Variants in LRP5 observed in about 807,000 individuals in gnomAD.
LRP5 encodes the protein LDL receptor related protein 5, also known as low-density lipoprotein receptor-related protein 5.
LRP5 carries 62 observed loss-of-function variants against 154.1 expected under a neutral mutation model. That is an observed-to-expected ratio of 0.40 (90% confidence interval 0.33 to 0.50). LRP5 has a LOEUF of 0.50. LRP5 is among the 20% of genes least tolerant of loss of function. The pLI is 0.55. For synonymous variants in LRP5, 966 were observed against 1,011.5 expected (o/e 0.96, Z 0.85); for missense variants, 1,915 against 2,336.7 (o/e 0.82, Z 3.72).
chr11:68,359,056 C>T (rs61101778), intron 3 of LRP5, among the ~76,000 whole-genome samples: 7,258 of 152,292 alleles, frequency 0.048, 581 homozygotes, highest in African/African-American at 0.16. Flanking sequence ...TGCCAGGCCT[C>T]GTGTGTTAGT....
At chr11:68,319,842 A>G (rs1565313813) in intron 1 of LRP5, among the ~76,000 whole-genome samples, 1 of 152,126 alleles carries the variant, frequency 6.6e-6, no homozygotes, top group Non-Finnish European at 1.5e-5. Flanking sequence ...TCCTAGTCAA[A>G]GAGTGTGTCC....
At chr11:68,323,248 A>G (rs1180556469) in intron 1 of LRP5, among the ~76,000 whole-genome samples, 1 of 152,090 alleles carries the variant, frequency 6.6e-6, no homozygotes, top group African/African-American at 2.4e-5. Context: ...AGCTGGGATT[A>G]CAGGCACCCG....
the LRP5 span, among the ~76,000 whole-genome samples, chr11:68,302,983 G>C: frequency 1.3e-5 from 2 of 152,202 alleles, no homozygotes; most frequent in Non-Finnish European, 2.9e-5. Flanking sequence ...GGCCTCCTGG[G>C]ATGGCCTTTC....
At chr11:68,385,178 G>A (rs1242150357) in intron 5 of LRP5, among the ~76,000 whole-genome samples, 1 of 152,218 alleles carries the variant, frequency 6.6e-6, no homozygotes, top group Non-Finnish European at 1.5e-5. Flanking sequence ...CCTGTCCCCA[G>A]CTGTGTCCAG....
chr11:68,337,343 C>G (rs909193810), intron 1 of LRP5, among the ~76,000 whole-genome samples: 2 of 152,052 alleles, frequency 1.3e-5, no homozygotes, highest in Non-Finnish European at 2.9e-5. Context: ...AGGGTAGTAG[C>G]GTGAATAACT....
intron 4 of LRP5, among the ~76,000 whole-genome samples, chr11:68,364,555 C>A (rs750508467): frequency 6.6e-6 from 1 of 152,052 alleles, no homozygotes; most frequent in Non-Finnish European, 1.5e-5. Context: ...GAATAATCTG[C>A]CCAGAATCAG....
In LRP5 at chr11:68,348,224, G is replaced by A. The variant is rs762734738; in HGVS notation, c.469G>A (p.Ala157Thr). ...GGACCTTGACCAGCCGAGGGCCATC[G>A]CCTTGGACCCCGCTCACGGGTAAAC... ...WQDLDQPRAI[A>T]LDPAHGYMYW... The change falls in exon 2 of 23, where the codon GCC becomes ACC. Residue 157 changes from alanine (A) to threonine (T), a missense_variant. By Grantham distance (58) the Ala-to-Thr change is moderately conservative. Around this residue, in one of 3 missense-constraint regions of LRP5, gnomAD observed 773 missense variants for 1,100.9 expected, o/e 0.70. Transcript: ENST00000294304. 2 of 1,607,590 alleles carry A rather than the reference G, an allele frequency of 1.2e-6. No individual in the cohort carries two copies. The highest frequency in any genetic ancestry group is 1.3e-5 in the African/African-American group (1 of 74,944).
chr11:68,354,121 A>G (rs2098621071), intron 2 of LRP5, among the ~76,000 whole-genome samples: 1 of 152,198 alleles, frequency 6.6e-6, no homozygotes, highest in Admixed American at 6.5e-5. Flanking sequence ...CCCTCTTTAA[A>G]ATGCAAAATG....
chr11:68,338,434 CTTGGGTT>C (rs1475658581), intron 1 of LRP5, among the ~76,000 whole-genome samples: 1 of 152,150 alleles, frequency 6.6e-6, no homozygotes, highest in Non-Finnish European at 1.5e-5. Flanking sequence ...ATTGTTGGCA[CTTGGGTT>C]TTCAAACTCC....
rs3138551 is a variant in LRP5, at chr11:68,434,350, T to TTTCA, written c.4000+556_4000+559dup. ...TCTTCTGTGCCCCCTGTGAGTTTTC[T>TTTCA]TTCATTCATTCATTCATTCATTCAT... On this transcript the variant is annotated intron_variant, in intron 18 of 22. Coordinates refer to ENST00000294304, the MANE Select transcript of LRP5 (RefSeq NM_002335.4). Among the ~76,000 whole-genome samples the TTTCA allele has an allele frequency of 2.6e-3, 370 of 143,462 alleles. 2 individuals are homozygous for TTTCA. Among genetic ancestry groups the TTTCA allele is most frequent in the South Asian group, 7.6e-3 (34 of 4,482 alleles). The allele number at this position is 143,462 out of a possible 152,430, so 94.1% of individuals were successfully genotyped here. A position where few individuals can be genotyped will look rare whatever the true frequency, so the allele number is the denominator to read the frequency against.
chr11:68,380,443 C>T (rs944796779), intron 5 of LRP5, among the ~76,000 whole-genome samples: 1 of 152,206 alleles, frequency 6.6e-6, no homozygotes, highest in Non-Finnish European at 1.5e-5. Context: ...AATATTTGCT[C>T]TCTGGCCCTT....
At chr11:68,330,500 C>G (rs190759408) in intron 1 of LRP5, among the ~76,000 whole-genome samples, 23 of 152,290 alleles carry the variant, frequency 1.5e-4, no homozygotes, top group African/African-American at 5.3e-4. Flanking sequence ...GGAATCTCTG[C>G]CCGACCCAGA....
intron 10 of LRP5, among the ~76,000 whole-genome samples, 158 bp from the exon 11 acceptor site, chr11:68,411,278 G>T (rs2098659290): frequency 6.6e-6 from 1 of 152,254 alleles, no homozygotes; most frequent in Non-Finnish European, 1.5e-5. Flanking sequence ...TGTGGCAGGG[G>T]TCGAGGGTCT....
chr11:68,440,789 G>A (rs55938123), intron 21 of LRP5, among the ~76,000 whole-genome samples: 272 of 151,528 alleles, frequency 1.8e-3, no homozygotes, highest in African/African-American at 3.1e-3. Flanking sequence ...TTTTTGAGAC[G>A]GAGTTTCACT....
At chr11:68,393,777 A>G (rs977355890) in intron 7 of LRP5, among the ~76,000 whole-genome samples, 6 of 152,240 alleles carry the variant, frequency 3.9e-5, no homozygotes, top group African/African-American at 1.4e-4. Context: ...GTGAAACTCC[A>G]TCTAAAATAA....
intron 14 of LRP5, among the ~76,000 whole-genome samples, chr11:68,424,799 C>T (rs948790714): frequency 4.6e-5 from 7 of 152,224 alleles, no homozygotes; most frequent in African/African-American, 1.7e-4. Context: ...ATGGCGTGGC[C>T]TCTTCTGTAC....
chr11:68,402,854 T>C (rs2098653368), intron 7 of LRP5, among the ~76,000 whole-genome samples: 1 of 152,194 alleles, frequency 6.6e-6, no homozygotes, highest in Non-Finnish European at 1.5e-5. Flanking sequence ...CTGTTCCAAA[T>C]CTTGCTTCTC....
chr11:68,334,320 A>G (rs375271240), intron 1 of LRP5, among the ~76,000 whole-genome samples: 16 of 152,284 alleles, frequency 1.1e-4, no homozygotes, highest in African/African-American at 3.9e-4. Context: ...CAGCATCCGG[A>G]AGCAAGGTGG....
chr11:68,386,615 C>CGCATCGA lies in LRP5; in HGVS notation c.1317_1323dup (p.Val442HisfsTer44). Reference sequence around the variant, plus strand: ...CTACTGGACCGACACGGGCACGGACCGCATCGAGGTGACGCGCCTCAACGG... The same window carrying CGCATCGA: ...CTACTGGACCGACACGGGCACGGACCGCATCGAGCATCGAGGTGACGCGCCTCAACGG... On this transcript the variant is annotated frameshift_variant, in exon 6 of 23. Coordinates refer to ENST00000294304, the MANE Select transcript of LRP5 (RefSeq NM_002335.4). LOFTEE classifies it high-confidence loss of function. This position sits in a 1 kb window ranked among gnomAD's most constrained non-coding sequence, Gnocchi z 7.9. The CGCATCGA allele has an allele frequency of 2.5e-6, 4 of 1,613,654 alleles. No individual in the cohort carries two copies. The highest frequency in any genetic ancestry group is 3.4e-6 in the Non-Finnish European group (4 of 1,179,930).
Sources: allele counts gnomAD v4.1 joint callset (sites outside exome capture counted in the v4.1 genomes callset), GRCh38; gene constraint gnomAD v4.1.1; regional missense constraint gnomAD v4.1.1; non-coding constraint Gnocchi (gnomAD v3.1); transcripts MANE v1.5; gene names NCBI Gene and HGNC (gene_info 2026-07-23, HGNC 2026-07-21).